Variants in ESR1 observed in about 807,000 individuals in gnomAD.
The protein encoded by ESR1 is estrogen receptor 1.
A neutral mutation model predicts 52.7 loss-of-function variants in ESR1; 12 were observed. The observed-to-expected ratio is 0.23, with a 90% CI of 0.15 to 0.37. ESR1 has a LOEUF of 0.37. Ranked by LOEUF, ESR1 falls within the 10% of genes least tolerant of loss-of-function variation. ESR1 has a pLI of 1.00. For synonymous variants in ESR1, 305 were observed against 316.8 expected (o/e 0.96, Z 0.39); for missense variants, 584 against 779.7 (o/e 0.75, Z 2.99).
intron 4 of ESR1, among the ~76,000 whole-genome samples, chr6:151,969,507 C>G (rs1033966716): frequency 6.6e-6 from 1 of 152,160 alleles, no homozygotes; most frequent in Non-Finnish European, 1.5e-5. Flanking sequence ...TCCCATGTCT[C>G]CCATCCTTTA....
chr6:151,720,375 C>T (rs1203560456), intron 2 of ESR1, among the ~76,000 whole-genome samples: 2 of 152,176 alleles, frequency 1.3e-5, no homozygotes, highest in African/African-American at 4.8e-5. Flanking sequence ...ATGCTTTGCT[C>T]TCACTCCATG....
At position 151,847,009 on chromosome 6, in the gene ESR1, T is replaced by C. The variant is rs567427589; in HGVS notation, c.643+4222T>C. Among the ~76,000 whole-genome samples, 9 of 152,308 alleles carry C rather than the reference T, an allele frequency of 5.9e-5. No individual in the cohort carries two copies. In the South Asian group the frequency reaches 1.9e-3, roughly 32 times the overall value. On this transcript the variant is annotated intron_variant, in intron 2 of 7. Coordinates refer to ENST00000206249, the MANE Select transcript of ESR1 (RefSeq NM_000125.4). ...GTGTGGCGTAGAGGGGGCTCAGGCC[T>C]ACCTATACACCACTAGCTATGTTGC...
At chr6:151,977,963 G>GAAA (rs5880951) in intron 4 of ESR1, among the ~76,000 whole-genome samples, 1 of 118,358 alleles carries the variant, frequency 8.4e-6, no homozygotes, top group African/African-American at 3.2e-5. Context: ...AAAAAAAAAA[G>GAAA]AAAAAAAAAA....
intron 2 of ESR1, among the ~76,000 whole-genome samples, chr6:151,877,796 A>C (rs972501651): frequency 6.6e-6 from 1 of 151,978 alleles, no homozygotes; most frequent in Non-Finnish European, 1.5e-5. Context: ...AATGTATACT[A>C]ATTAATTTTT....
chr6:151,894,274 G>A (rs753367411), intron 3 of ESR1, among the ~76,000 whole-genome samples: 2 of 151,670 alleles, frequency 1.3e-5, no homozygotes, highest in African/African-American at 2.4e-5. Flanking sequence ...ATTTGTTTGA[G>A]TTCCTTGTAG....
chr6:151,770,564 T>C (rs930665871), intron 2 of ESR1, among the ~76,000 whole-genome samples: 1 of 152,114 alleles, frequency 6.6e-6, no homozygotes, highest in African/African-American at 2.4e-5. Flanking sequence ...CTGGTTAAAC[T>C]ATGAAGAAGA....
chr6:151,680,864 G>T (rs1351675854), intron 1 of ESR1, among the ~76,000 whole-genome samples: 4 of 152,162 alleles, frequency 2.6e-5, no homozygotes, highest in Admixed American at 2.0e-4. Flanking sequence ...AAATGAACCG[G>T]TCTCCTCCTT....
intron 2 of ESR1, among the ~76,000 whole-genome samples, chr6:151,772,753 A>G (rs1365086539): frequency 6.6e-6 from 1 of 152,170 alleles, no homozygotes; most frequent in Non-Finnish European, 1.5e-5. Context: ...CAGCCTTTAT[A>G]ACATATTTGT....
chr6:151,938,939 A>G (rs1326151538), intron 3 of ESR1, among the ~76,000 whole-genome samples: 4 of 152,204 alleles, frequency 2.6e-5, no homozygotes, highest in Admixed American at 2.6e-4. Context: ...TCTTGTTAGA[A>G]AAATTCTTCA....
At chr6:151,665,576 T>C (rs1016635955) in intron 1 of ESR1, among the ~76,000 whole-genome samples, 1 of 152,044 alleles carries the variant, frequency 6.6e-6, no homozygotes, top group East Asian at 1.9e-4. Context: ...AGCCCTTTTC[T>C]CTCCACCACT....
At chr6:151,985,671 T>A (rs2040419923) in intron 4 of ESR1, among the ~76,000 whole-genome samples, 1 of 151,850 alleles carries the variant, frequency 6.6e-6, no homozygotes, top group East Asian at 1.9e-4. Flanking sequence ...TTTTAAAAAA[T>A]TATTTATTTA....
intron 2 of ESR1, among the ~76,000 whole-genome samples, chr6:151,765,027 AT>A (rs1245364763): frequency 2.0e-5 from 3 of 152,272 alleles, no homozygotes; most frequent in African/African-American, 7.2e-5. Context: ...TCACATTAAA[AT>A]TGTAAAAAGA....
intron 1 of ESR1, among the ~76,000 whole-genome samples, chr6:151,678,936 C>G (rs1460231053): frequency 6.6e-6 from 1 of 152,118 alleles, no homozygotes; most frequent in Non-Finnish European, 1.5e-5. Flanking sequence ...CCACCCGCCT[C>G]GGCCTCCCAA....
At chr6:151,887,449 T>A (rs976001894) in intron 3 of ESR1, among the ~76,000 whole-genome samples, 1 of 152,078 alleles carries the variant, frequency 6.6e-6, no homozygotes, top group Admixed American at 6.6e-5. Flanking sequence ...GACTAATGAA[T>A]CCAATGTTTG....
intron 3 of ESR1, among the ~76,000 whole-genome samples, chr6:151,931,525 A>C (rs552284535): frequency 2.0e-5 from 3 of 151,640 alleles, no homozygotes; most frequent in Admixed American, 6.6e-5. Context: ...ATATGTATAC[A>C]TGTGCCATGC....
At chr6:151,680,083 T>G (rs1778396837) in intron 1 of ESR1, among the ~76,000 whole-genome samples, 1 of 152,132 alleles carries the variant, frequency 6.6e-6, no homozygotes. Flanking sequence ...TGGCTTAAAA[T>G]CAGACATTTA....
intron 1 of ESR1, among the ~76,000 whole-genome samples, chr6:151,680,913 G>T (rs1351797148): frequency 6.6e-6 from 1 of 152,140 alleles, no homozygotes; most frequent in Non-Finnish European, 1.5e-5. Context: ...GGTTTGCCTT[G>T]CTCCACTGGG....
chr6:152,122,761 T>G (rs2051740273), intron 6 of ESR1: 1 of 1,597,304 alleles, frequency 6.3e-7, no homozygotes, highest in Non-Finnish European at 8.5e-7. Context: ...TCCTGGAAGC[T>G]AAAGGGCCAT....
chr6:151,800,426 C>T (rs539778422), upstream of ESR1, among the ~76,000 whole-genome samples: 4 of 152,256 alleles, frequency 2.6e-5, no homozygotes, highest in African/African-American at 7.2e-5. Context: ...AGATTATGCT[C>T]CCCTACCCAC....
Sources: allele counts gnomAD v4.1 joint callset (sites outside exome capture counted in the v4.1 genomes callset), GRCh38; gene constraint gnomAD v4.1.1; transcripts MANE v1.5; gene names NCBI Gene and HGNC (gene_info 2026-07-23, HGNC 2026-07-21).